OPLAH: variants seen among roughly 807,000 people sequenced by gnomAD.
OPLAH encodes the protein 5-oxoprolinase.
Under a neutral mutation model 122.8 loss-of-function variants are expected in OPLAH, and 103 were observed. The observed-to-expected ratio is 0.84, with a 90% confidence interval of 0.71 to 0.99. The LOEUF is 0.99. OPLAH is among the 50% of genes least tolerant of loss of function. The pLI is 0.00. For synonymous variants in OPLAH, 875 were observed against 796.0 expected (o/e 1.10, Z -1.67); for missense variants, 1,902 against 1,836.5 (o/e 1.04, Z -0.65).
intron 17 of OPLAH, 58 bp from the exon 18 acceptor site, chr8:144,054,971 G>A (rs1278302883): frequency 3.0e-5 from 18 of 604,602 alleles, no homozygotes; most frequent in Non-Finnish European, 9.0e-6. Context: ...AGAGCGGGGT[G>A]GGGGGGGGGT....
chr8:144,058,315 G>T lies in OPLAH; in HGVS notation c.873C>A (p.Ala291=), dbSNP rs1363255618. 26 of 1,603,812 alleles carry T rather than the reference G, an allele frequency of 1.6e-5. No individual in the cohort carries two copies. Among genetic ancestry groups the T allele is most frequent in the Non-Finnish European group, 2.1e-5 (25 of 1,177,054 alleles). The change falls in exon 7 of 27, where the codon GCC becomes GCA. Residue 291 remains alanine (A), a synonymous_variant. Coordinates refer to ENST00000618853, the MANE Select transcript of OPLAH (RefSeq NM_017570.5). ...SGSSAVLSGP[A]GGVVGYSATT... Reference sequence around the variant, plus strand: ...TGGCTGAGTAGCCCACCACGCCGCCGGCCGGGCCCGAGAGCACAGCACTGG... The same window carrying T: ...TGGCTGAGTAGCCCACCACGCCGCCTGCCGGGCCCGAGAGCACAGCACTGG...
Position 144,056,764 on chromosome 8 carries a change from G to T in OPLAH, c.1707-9C>A. On this transcript the variant is annotated splice_polypyrimidine_tract_variant and intron_variant, in intron 12 of 26. Coordinates refer to ENST00000618853, the MANE Select transcript of OPLAH (RefSeq NM_017570.5). ...CAGTGCTGATCTGGGACCTGCAGCA[G>T]GTGGTTGGGGGCACTCACACCAAAC... The T allele has an allele frequency of 6.3e-7, 1 of 1,597,532 alleles. No homozygotes were observed.
rs868916897 is a variant in OPLAH, at chr8:144,055,825, C to A, written c.2211G>T (p.Gln737His). The A allele has an allele frequency of 1.3e-6, 2 of 1,567,742 alleles. No homozygotes were observed. The highest frequency in any genetic ancestry group is 2.4e-5 in the South Asian group (2 of 84,986). Reference sequence around the variant, plus strand: ...TGAAGCGGTGTGAGAAGATGGACAGCTGGATAGGGTCCAGCTGGGGGCCCA... The same window carrying A: ...TGAAGCGGTGTGAGAAGATGGACAGATGGATAGGGTCCAGCTGGGGGCCCA... ...GTVGPQLDPI[Q>H]LSIFSHRFMS... Residue 737 changes from glutamine (Q) to histidine (H), a missense_variant, in exon 16 of 27, where the codon CAG becomes CAT. This residue lies in a region of OPLAH where 1,726 missense variants were observed against 1,642.1 expected (regional missense o/e 1.05). Transcript: ENST00000618853. The surrounding 1 kb of genome is among the most constrained non-coding windows in gnomAD (Gnocchi z 6.5).
In OPLAH at chr8:144,055,342, A is replaced by C. The variant is rs1835486756; in HGVS notation, c.2249-153T>G. On this transcript the variant is annotated intron_variant, in intron 16 of 26. Transcript: ENST00000618853. The surrounding 1 kb of genome is among the most constrained non-coding windows in gnomAD (Gnocchi z 6.5). Reference sequence around the variant, plus strand: ...GGAAGACCAAGTTGACGGTGTGCCCACTTGGCCACGTCTTAGCCTATGTAA... The same window carrying C: ...GGAAGACCAAGTTGACGGTGTGCCCCCTTGGCCACGTCTTAGCCTATGTAA... Among the ~76,000 whole-genome samples, 1 of 151,716 alleles carries C rather than the reference A, an allele frequency of 6.6e-6. No individual in the cohort carries two copies.
downstream of OPLAH, chr8:144,050,524 C>G (rs1312560717): frequency 3.0e-6 from 3 of 985,440 alleles, no homozygotes; most frequent in Non-Finnish European, 3.6e-6. Context: ...ACCGCGCGCC[C>G]GCCTCTCTCT....
intron 1 of OPLAH, 106 bp from the exon 2 acceptor site, chr8:144,060,191 TCTGGGAAGAGCC>T (rs1452659135): frequency 1.1e-5 from 9 of 817,382 alleles, no homozygotes; most frequent in Non-Finnish European, 1.7e-5. Context: ...CGGGCACGAC[TCTGGGAAGAGCC>T]AGAGCCGCAG....
At position 144,055,241 on chromosome 8, in the gene OPLAH, C is replaced by T; in HGVS notation, c.2249-52G>A. On this transcript the variant is annotated intron_variant, in intron 16 of 26. Coordinates refer to ENST00000618853, the MANE Select transcript of OPLAH (RefSeq NM_017570.5). The surrounding 1 kb of genome is among the most constrained non-coding windows in gnomAD (Gnocchi z 6.5). ...CTGGCCCCACCCACCCACAGCCTGG[C>T]CCCAGGAAAGGGAGGAACAGGACCC... 6.8e-7 allele frequency: 1 copy of T among 1,479,788 alleles called. No homozygotes were observed. Among genetic ancestry groups the T allele is most frequent in the Non-Finnish European group, 9.0e-7 (1 of 1,115,410 alleles). 91.7% of individuals were successfully genotyped at this position (1,479,788 alleles called of 1,614,324 possible). A position where few individuals can be genotyped will look rare whatever the true frequency, so the allele number is the denominator to read the frequency against.
chr8:144,054,241 C>G (rs1386795584), intron 19 of OPLAH, among the ~76,000 whole-genome samples: 1 of 152,082 alleles, frequency 6.6e-6, no homozygotes, highest in Non-Finnish European at 1.5e-5. Context: ...CGGACCCCAC[C>G]CAGTATGACT....
Position 144,058,568 on chromosome 8 carries a change from G to T in OPLAH, c.711C>A (p.Ala237=). 6.2e-7 allele frequency: 1 copy of T among 1,601,600 alleles called. No individual in the cohort carries two copies. The change falls in exon 6 of 27, where the codon GCC becomes GCA. Residue 237 remains alanine, a synonymous_variant. Coordinates refer to ENST00000618853, the MANE Select transcript of OPLAH (RefSeq NM_017570.5). ...RIVPRGHTAC[A]DAYLTPAIQR... ...GGATGGCGGGCGTGAGGTAGGCGTC[G>T]GCACAGGCCGTGTGCCCCCGAGGGA...
In OPLAH at chr8:144,056,736, T is replaced by C; in HGVS notation, c.1726A>G (p.Ser576Gly). Residue 576 changes from serine (S) to glycine (G), a missense_variant, in exon 13 of 27, where the codon AGC becomes GGC. Around this residue, in one of 3 missense-constraint regions of OPLAH, gnomAD observed 1,726 missense variants for 1,642.1 expected, o/e 1.05. Transcript: ENST00000618853. ...GFPRSQISTE[S>G]FLHLRYQGTD... Reference sequence around the variant, plus strand: ...CCCTGGTAGCGCAGGTGCAGGAAGCTCTCAGTGCTGATCTGGGACCTGCAG... The same window carrying C: ...CCCTGGTAGCGCAGGTGCAGGAAGCCCTCAGTGCTGATCTGGGACCTGCAG... The C allele has an allele frequency of 6.2e-7, 1 of 1,609,856 alleles. No homozygotes were observed. Among genetic ancestry groups the C allele is most frequent in the Non-Finnish European group, 8.5e-7 (1 of 1,178,542 alleles).
In OPLAH at chr8:144,058,325, G is replaced by T. The variant is rs782134508; in HGVS notation, c.863C>A (p.Ser288Ter). 1.9e-6 allele frequency: 3 copies of T among 1,601,370 alleles called. No homozygotes were observed. In the East Asian group the frequency reaches 6.8e-5, roughly 36 times the overall value. ...DTFSGSSAVL[S>*]GPAGGVVGYS... ...GCCCACCACGCCGCCGGCCGGGCCC[G>T]AGAGCACAGCACTGGAGCCGCTGAA... The change falls in exon 7 of 27, where the codon TCG (serine) becomes TAG (stop). Residue 288 changes from serine (S) to a stop codon, truncating the protein, a stop_gained. Coordinates refer to ENST00000618853, the MANE Select transcript of OPLAH (RefSeq NM_017570.5). LOFTEE classifies it high-confidence loss of function.
intron 19 of OPLAH, among the ~76,000 whole-genome samples, chr8:144,053,981 C>T (rs376806797): frequency 1.5e-5 from 2 of 129,100 alleles, no homozygotes; most frequent in African/African-American, 2.9e-5. Flanking sequence ...CCCCACCCCC[C>T]GCCCTCGCTC....
chr8:144,054,462 G>T, intron 19 of OPLAH, 99 bp downstream of exon 19: 4 of 1,289,708 alleles, frequency 3.1e-6, no homozygotes, highest in Non-Finnish European at 4.2e-6. Flanking sequence ...GCAGGCCTGG[G>T]CCTATGGGCT....
intron 19 of OPLAH, among the ~76,000 whole-genome samples, chr8:144,053,641 A>G (rs986166264): frequency 1.2e-4 from 18 of 151,838 alleles, no homozygotes; most frequent in Admixed American, 8.5e-4. Context: ...CCCAGCTCAC[A>G]TTGACCAAGG....
chr8:144,057,447 C>G lies in OPLAH; in HGVS notation c.1422+1G>C. ...AGGCGGGAGAGCAGAGGTGGACGTA[C>G]CTGCGTGAGTGCACGGATGGGCCGG... On this transcript the variant is annotated splice_donor_variant, in intron 10 of 26. Transcript: ENST00000618853. LOFTEE classifies it high-confidence loss of function. 6.3e-7 allele frequency: 1 copy of G among 1,583,360 alleles called. No individual in the cohort carries two copies. Among genetic ancestry groups the G allele is most frequent in the Non-Finnish European group, 8.6e-7 (1 of 1,164,954 alleles).
chr8:144,053,942 A>C, intron 19 of OPLAH, among the ~76,000 whole-genome samples: 1 of 119,924 alleles, frequency 8.3e-6, no homozygotes. Flanking sequence ...AAATCCCTCC[A>C]AATACCCACC....
In OPLAH at chr8:144,058,144, C is replaced by A. The variant is rs782037497; in HGVS notation, c.954G>T (p.Thr318=). ...QPVIGFDMGG[T]STDVSRYAGE... Reference sequence around the variant, plus strand: ...CAGCATAGCGGCTCACATCCGTGGACGTGCCTGGCAGGGGTGGGGTGCTGG... The same window carrying A: ...CAGCATAGCGGCTCACATCCGTGGAAGTGCCTGGCAGGGGTGGGGTGCTGG... The change falls in exon 8 of 27, where the codon ACG becomes ACT. Residue 318 remains threonine, a synonymous_variant. Transcript: ENST00000618853. The A allele has an allele frequency of 1.2e-6, 2 of 1,612,296 alleles. No homozygotes were observed. Among genetic ancestry groups the A allele is most frequent in the East Asian group, 4.5e-5 (2 of 44,870 alleles).
At position 144,052,016 on chromosome 8, in the gene OPLAH, G is replaced by A. The variant is rs1465660667; in HGVS notation, c.3522C>T (p.Phe1174=). 1 of 1,590,276 alleles carries A rather than the reference G, an allele frequency of 6.3e-7. No individual in the cohort carries two copies. Among genetic ancestry groups the A allele is most frequent in the African/African-American group, 1.4e-5 (1 of 74,036 alleles). The change falls in exon 25 of 27, where the codon TTC becomes TTT. Residue 1174 remains phenylalanine, a synonymous_variant. Coordinates refer to ENST00000618853, the MANE Select transcript of OPLAH (RefSeq NM_017570.5). ...CGCGGGTGACGCCGTCGCCGCCTCG[G>A]AAGCGGCCTCTGCCCCCCGAGCCCC... The part of the protein sequence containing the change: ...LRRGSGGRGR[F]RGGDGVTREL...
At position 144,051,302 on chromosome 8, in the gene OPLAH, T is replaced by C; in HGVS notation, c.*24A>G. ...GCTGCGTCCCCAGAACCGGGAGACT[T>C]AAGGCATCTTTATTGCGGGATCCTC... On this transcript the variant is annotated 3_prime_UTR_variant, in exon 27 of 27. Transcript: ENST00000618853. The C allele has an allele frequency of 6.2e-7, 1 of 1,609,930 alleles. No homozygotes were observed. The highest frequency in any genetic ancestry group is 8.5e-7 in the Non-Finnish European group (1 of 1,178,698).
Sources: allele counts gnomAD v4.1 joint callset (sites outside exome capture counted in the v4.1 genomes callset), GRCh38; gene constraint gnomAD v4.1.1; regional missense constraint gnomAD v4.1.1; non-coding constraint Gnocchi (gnomAD v3.1); transcripts MANE v1.5; gene names NCBI Gene and HGNC (gene_info 2026-07-23, HGNC 2026-07-21).